DOCK2: variants seen among roughly 807,000 people sequenced by gnomAD.
DOCK2 encodes the protein dedicator of cytokinesis 2.
Under a neutral mutation model 248.9 loss-of-function variants are expected in DOCK2, and 87 were observed. That is an observed-to-expected ratio of 0.35 (90% CI 0.29 to 0.42). The LOEUF is 0.42. Ranked by LOEUF, DOCK2 falls within the 10% of genes least tolerant of loss-of-function variation. DOCK2 has a pLI of 1.00. For missense variants in DOCK2, 1,747 were observed against 2,300.2 expected, an observed-to-expected ratio of 0.76 and a Z score of 4.92; for synonymous variants, 805 against 821.6, an observed-to-expected ratio of 0.98 and a Z score of 0.35.
In DOCK2 at chr5:170,066,033, G is replaced by C. The variant is rs755451459; in HGVS notation, c.4468-1477G>C. Among the ~76,000 whole-genome samples the C allele has an allele frequency of 1.4e-3, 212 of 147,446 alleles. 1 individual carries two copies. Among genetic ancestry groups the C allele is most frequent in the Non-Finnish European group, 2.0e-3 (132 of 67,548 alleles). ...GTGGCGCGAACTCAGCTCACTGCAAGCTCCGCCTCCTGGGCTCATGCCATT... is the reference window on the plus strand; with the variant it reads ...GTGGCGCGAACTCAGCTCACTGCAACCTCCGCCTCCTGGGCTCATGCCATT... On this transcript the variant is annotated intron_variant, in intron 44 of 51. Transcript: ENST00000520908.
At chr5:169,801,951 T>C (rs1257288524) in intron 25 of DOCK2, among the ~76,000 whole-genome samples, 2 of 152,060 alleles carry the variant, frequency 1.3e-5, no homozygotes, top group East Asian at 3.9e-4. Context: ...AGATTTAAAA[T>C]GATATCCTGG....
chr5:169,750,666 C>G (rs889675914), intron 23 of DOCK2, among the ~76,000 whole-genome samples: 1 of 152,192 alleles, frequency 6.6e-6, no homozygotes, highest in Non-Finnish European at 1.5e-5. Flanking sequence ...TCATAGATTT[C>G]CACTCCAGAG....
At chr5:169,785,819 G>GT (rs557473709) in intron 25 of DOCK2, among the ~76,000 whole-genome samples, 2 of 152,120 alleles carry the variant, frequency 1.3e-5, no homozygotes, top group East Asian at 3.9e-4. Context: ...GGCCATTAGT[G>GT]TTTTTTTGTG....
intron 28 of DOCK2, among the ~76,000 whole-genome samples, chr5:169,985,348 CGTGTGTGT>C (rs5873200): frequency 0.095 from 12,994 of 136,760 alleles, 601 homozygotes; most frequent in South Asian, 0.14. Flanking sequence ...CTAATCTGCT[CGTGTGTGT>C]GTGTGTGTGT....
At position 169,951,744 on chromosome 5, in the gene DOCK2, T is replaced by A. The variant is rs373892595; in HGVS notation, c.2800-31324T>A. Among the ~76,000 whole-genome samples, 280 of 152,328 alleles carry A rather than the reference T, an allele frequency of 1.8e-3. 6 individuals carry two copies. The South Asian group carries it at 0.049, about 26-fold the overall frequency. ...AGCTACACCAAGGATTGTGCTCAAG[T>A]TTTGACTTATATTAGCTTGTTTAAG... On this transcript the variant is annotated intron_variant, in intron 27 of 51. Coordinates refer to ENST00000520908, the MANE Select transcript of DOCK2 (RefSeq NM_004946.3).
In DOCK2 at chr5:169,889,914, T is replaced by C. The variant is rs137972518; in HGVS notation, c.2799+49062T>C. 8.7e-4 allele frequency among the ~76,000 whole-genome samples: 133 copies of C among 152,366 alleles called. 1 individual carries two copies. In the East Asian group the frequency reaches 0.016, roughly 19 times the overall value. ...TTAGGTTGTTTTTCAGAGGAGGCTT[T>C]GTTTGCTGACACATTGCCGTGTCCC... On this transcript the variant is annotated intron_variant, in intron 27 of 51. Transcript: ENST00000520908.
At chr5:170,057,144 C>T (rs1436715180) in intron 43 of DOCK2, 1 of 354,128 alleles carries the variant, frequency 2.8e-6, no homozygotes, top group Non-Finnish European at 5.3e-6. Flanking sequence ...GTGCTAGTCT[C>T]CTCTGTGTGT....
chr5:169,725,676 GC>G (rs143876106), intron 22 of DOCK2, among the ~76,000 whole-genome samples: 16,555 of 150,124 alleles, frequency 0.11, 1,171 homozygotes, highest in South Asian at 0.21. Context: ...CCCCCGACAG[GC>G]CCCGGTGTGT....
Position 170,057,624 on chromosome 5 carries a change from G to T in DOCK2, c.4425G>T (p.Leu1475=). 6.2e-7 allele frequency: 1 copy of T among 1,614,040 alleles called. No individual in the cohort carries two copies. The highest frequency in any genetic ancestry group is 8.5e-7 in the Non-Finnish European group (1 of 1,179,930). ...CCTCCTTCGTGACTGCATACAAGCT[G>T]CCGGGGATCCTGCGCTGGTTTGAGG... is the stretch of plus-strand genomic sequence containing the variant. The part of the protein sequence containing the change: ...ERTSFVTAYK[L]PGILRWFEVV... The change falls in exon 44 of 52, where the codon CTG becomes CTT. Residue 1475 remains leucine, a synonymous_variant. Transcript: ENST00000520908.
In DOCK2 at chr5:169,698,405, A is replaced by G. The variant is rs560117895; in HGVS notation, c.1011A>G (p.Lys337=). 10 of 1,614,112 alleles carry G rather than the reference A, an allele frequency of 6.2e-6. No homozygotes were observed. The South Asian group carries it at 1.1e-4, about 18-fold the overall frequency. The change falls in exon 11 of 52, where the codon AAA becomes AAG. Residue 337 remains lysine (K), a synonymous_variant. Coordinates refer to ENST00000520908, the MANE Select transcript of DOCK2 (RefSeq NM_004946.3). ...VMDITDIIKG[K]AESDEEKQHF... Reference sequence around the variant, plus strand: ...ATATAACAGACATCATCAAGGGGAAAGCAGAGAGTGATGAAGAAAAGCAGC... The same window carrying G: ...ATATAACAGACATCATCAAGGGGAAGGCAGAGAGTGATGAAGAAAAGCAGC...
In DOCK2 at chr5:169,673,722, CA is replaced by C. The variant is rs576475863; in HGVS notation, c.322-573del. On this transcript the variant is annotated intron_variant, in intron 5 of 51. Coordinates refer to ENST00000520908, the MANE Select transcript of DOCK2 (RefSeq NM_004946.3). ...CTCTGTTTGTTAAAAAAGACATTAA[CA>C]ATATGTGAGAGGTGTTAGAGACATA... Among the ~76,000 whole-genome samples, 47 of 152,292 alleles carry C rather than the reference CA, an allele frequency of 3.1e-4. 2 individuals are homozygous for C. The South Asian group carries it at 9.3e-3, about 30-fold the overall frequency.
chr5:170,053,469 C>T (rs747144239), intron 41 of DOCK2, among the ~76,000 whole-genome samples: 8 of 152,198 alleles, frequency 5.3e-5, no homozygotes, highest in East Asian at 1.9e-4. Flanking sequence ...ATCATTTTCA[C>T]GTTACAAAAT....
At chr5:169,671,003 G>T in intron 4 of DOCK2, 75 bp from the exon 5 acceptor site, 1 of 1,319,668 alleles carries the variant, frequency 7.6e-7, no homozygotes, top group Non-Finnish European at 1.1e-6. Flanking sequence ...GCAGCTTAAT[G>T]CAAATTTGTT....
chr5:170,023,906 A>G (rs925500732), intron 33 of DOCK2, among the ~76,000 whole-genome samples: 12 of 152,242 alleles, frequency 7.9e-5, no homozygotes, highest in South Asian at 2.1e-4. Context: ...CTGGACTCCA[A>G]TCAGAAAACA....
At chr5:170,036,850 C>T (rs1307758132) in intron 36 of DOCK2, among the ~76,000 whole-genome samples, 1 of 152,170 alleles carries the variant, frequency 6.6e-6, no homozygotes, top group African/African-American at 2.4e-5. Flanking sequence ...GGTGCATTTG[C>T]ATTGTTGCGG....
At position 170,036,565 on chromosome 5, in the gene DOCK2, A is replaced by G. The variant is rs955341915; in HGVS notation, c.3665+10A>G. ...AGGAGATGTACATAAGGTAAGATTC[A>G]TATTTTCTAAAATCCAGACCTGCTG... On this transcript the variant is annotated intron_variant, in intron 36 of 51. Transcript: ENST00000520908. The G allele has an allele frequency of 2.5e-6, 4 of 1,612,424 alleles. No individual in the cohort carries two copies. In the African/African-American group the frequency reaches 4.0e-5, roughly 16 times the overall value.
At chr5:169,801,618 T>C (rs1766995094) in intron 25 of DOCK2, among the ~76,000 whole-genome samples, 1 of 152,104 alleles carries the variant, frequency 6.6e-6, no homozygotes, top group African/African-American at 2.4e-5. Flanking sequence ...GTCCAGCCCT[T>C]CTCCAGGGGA....
chr5:170,029,722 C>T (rs1324620369), intron 34 of DOCK2, among the ~76,000 whole-genome samples: 2 of 152,230 alleles, frequency 1.3e-5, no homozygotes, highest in African/African-American at 4.8e-5. Flanking sequence ...TGCATATTCT[C>T]TGATTTCTAT....
intron 25 of DOCK2, among the ~76,000 whole-genome samples, chr5:169,789,683 T>C (rs1465036995): frequency 6.6e-6 from 1 of 152,262 alleles, no homozygotes; most frequent in East Asian, 1.9e-4. Flanking sequence ...ATACATTTCT[T>C]AAATCACTCT....
Sources: allele counts gnomAD v4.1 joint callset (sites outside exome capture counted in the v4.1 genomes callset), GRCh38; gene constraint gnomAD v4.1.1; transcripts MANE v1.5; gene names NCBI Gene and HGNC (gene_info 2026-07-23, HGNC 2026-07-21).